The following ANGPT2 variants were observed in gnomAD, a reference collection of about 807,000 sequenced individuals.
ANGPT2 encodes the protein angiopoietin 2, also known as angiopoietin-2.
A neutral mutation model predicts 62.9 loss-of-function variants in ANGPT2; 28 were observed. That is an observed-to-expected ratio of 0.44 (90% CI 0.33 to 0.61). ANGPT2 has a LOEUF of 0.61. Among genes scored for constraint, ANGPT2 ranks in the 20% least tolerant of loss-of-function variants. The pLI, the probability that ANGPT2 is intolerant of heterozygous loss-of-function variation, is 0.03. For synonymous variants in ANGPT2, 284 were observed against 207.8 expected (o/e 1.37, Z -3.15); for missense variants, 727 against 594.9 (o/e 1.22, Z -2.31).
intron 1 of ANGPT2, among the ~76,000 whole-genome samples, chr8:6,541,057 G>A (rs1229129214): frequency 6.6e-5 from 10 of 152,154 alleles, no homozygotes; most frequent in African/African-American, 2.2e-4. Context: ...TGGGTGTCCC[G>A]AGGCAGCTTG....
chr8:6,562,576 G>GTTTTT, intron 1 of ANGPT2, 71 bp downstream of exon 1: 2 of 96,576 alleles, frequency 2.1e-5, no homozygotes, highest in Non-Finnish European at 3.5e-5. Flanking sequence ...TTTTTTGGTT[G>GTTTTT]TTAAAACCTG....
chr8:6,534,230 T>C (rs914008152), intron 1 of ANGPT2, among the ~76,000 whole-genome samples: 2 of 151,760 alleles, frequency 1.3e-5, no homozygotes, highest in African/African-American at 4.8e-5. Context: ...AATACAACAA[T>C]AAAAAACAAA....
chr8:6,540,334 C>G (rs1163287070), intron 1 of ANGPT2, among the ~76,000 whole-genome samples: 1 of 152,136 alleles, frequency 6.6e-6, no homozygotes, highest in Non-Finnish European at 1.5e-5. Context: ...GATAAAGTGG[C>G]TATTTCTCAT....
At chr8:6,559,071 G>C (rs189832480) in intron 1 of ANGPT2, among the ~76,000 whole-genome samples, 1 of 152,088 alleles carries the variant, frequency 6.6e-6, no homozygotes, top group Admixed American at 6.5e-5. Context: ...TGTAGCCAGC[G>C]GATACAGTAA....
rs752892660 is a variant in ANGPT2, at chr8:6,503,258, C to T, written c.1331G>A (p.Trp444Ter). 1 of 1,614,094 alleles carries T rather than the reference C, an allele frequency of 6.2e-7. No individual in the cohort carries two copies. Among genetic ancestry groups the T allele is most frequent in the South Asian group, 1.1e-5 (1 of 91,066 alleles). The change falls in exon 9 of 9, where the codon TGG becomes TAG. Residue 444 changes from tryptophan to a stop codon, truncating the protein, a stop_gained. Coordinates refer to ENST00000629816, the MANE Select transcript of ANGPT2 (RefSeq NM_001118887.2). LOFTEE classifies it high-confidence loss of function. The stretch of plus-strand genomic sequence containing the variant: ...GGAAGGACCACATGCATCAAACCAC[C>T]AGCCTGTGAAAGTAAAACACAGAAG... Reference protein sequence around the residue: ...CKCSQMLTGGWWFDACGPSNL... With the variant: ...CKCSQMLTGG
chr8:6,518,160 G>A (rs1191731799), intron 5 of ANGPT2, among the ~76,000 whole-genome samples: 1 of 152,154 alleles, frequency 6.6e-6, no homozygotes, highest in Non-Finnish European at 1.5e-5. Context: ...ATGTGATGGG[G>A]CTGCATGGTT....
chr8:6,505,309 A>AT (rs1377053213), intron 8 of ANGPT2, among the ~76,000 whole-genome samples: 5,355 of 53,410 alleles, frequency 0.1, 592 homozygotes, highest in African/African-American at 0.16. Context: ...ATATGTATAT[A>AT]ACATATATAT....
intron 7 of ANGPT2, among the ~76,000 whole-genome samples, chr8:6,512,372 A>G (rs1020064348): frequency 3.3e-5 from 5 of 152,184 alleles, no homozygotes; most frequent in Admixed American, 6.5e-5. Context: ...CAGGTCGTGG[A>G]GCGGAGTGTC....
intron 1 of ANGPT2, among the ~76,000 whole-genome samples, chr8:6,553,725 G>A (rs777601656): frequency 5.3e-5 from 8 of 150,724 alleles, no homozygotes; most frequent in Non-Finnish European, 8.8e-5. Context: ...TGGGGCCTAC[G>A]AGGCCCCTCA....
At chr8:6,552,002 T>C (rs529593672) in intron 1 of ANGPT2, among the ~76,000 whole-genome samples, 47 of 152,336 alleles carry the variant, frequency 3.1e-4, no homozygotes, top group Admixed American at 2.2e-3. Flanking sequence ...AATTACCCGG[T>C]AGATGACCAA....
intron 3 of ANGPT2, 57 bp downstream of exon 3, chr8:6,527,498 T>C (rs967498313): frequency 1.5e-4 from 232 of 1,582,304 alleles, no homozygotes; most frequent in Non-Finnish European, 1.9e-4. Flanking sequence ...TGAGACCGAC[T>C]TTCATATCTG....
In ANGPT2 at chr8:6,562,733, C is replaced by G. The variant is rs1250655525; in HGVS notation, c.202G>C (p.Asp68His). The change falls in exon 1 of 9, where the codon GAC becomes CAC. Residue 68 changes from aspartate (D) to histidine (H), a missense_variant. Asp to His is a moderately conservative substitution (Grantham distance 81). Coordinates refer to ENST00000629816, the MANE Select transcript of ANGPT2 (RefSeq NM_001118887.2). ...SPYVSNAVQRDAPLEYDDSVQ... is the reference protein window; with the variant it reads ...SPYVSNAVQRHAPLEYDDSVQ... ...GAGTCATCGTATTCGAGCGGCGCGT[C>G]CCTCTGCACAGCATTGGACACGTAG... 6.2e-7 allele frequency: 1 copy of G among 1,613,710 alleles called. No individual in the cohort carries two copies. The highest frequency in any genetic ancestry group is 8.5e-7 in the Non-Finnish European group (1 of 1,179,962).
intron 3 of ANGPT2, among the ~76,000 whole-genome samples, chr8:6,522,781 AAAAAG>A (rs766827911): frequency 4.1e-4 from 63 of 152,056 alleles, no homozygotes; most frequent in East Asian, 1.4e-3. Context: ...CTCAAAAAAA[AAAAAG>A]AAAAGAAAAG....
chr8:6,507,826 G>A (rs2515411), intron 8 of ANGPT2: 26,623 of 139,738 alleles, frequency 0.19, 2,937 homozygotes, highest in African/African-American at 0.32. Flanking sequence ...CAGGTGATCC[G>A]CCCTCCTTGG....
rs115634554 is a variant in ANGPT2, at chr8:6,530,237, G to A, written c.444+2095C>T. Among the ~76,000 whole-genome samples, 625 of 152,164 alleles carry A rather than the reference G, an allele frequency of 4.1e-3. 5 individuals carry two copies. Among genetic ancestry groups the A allele is most frequent in the African/African-American group, 0.014 (576 of 41,512 alleles). ...TTGAAAGTAATGGTGGCCAGGTACG[G>A]TGGCTCACGCCTGTGATCCCAGCAG... On this transcript the variant is annotated intron_variant, in intron 2 of 8. Transcript: ENST00000629816.
rs1437172747 is a variant in ANGPT2, at chr8:6,502,819, C to T, written c.*282G>A. ...ACATTCTTGGTTGTGACAGCAGCGTCTGTAAACTGTCAGTCTGATTCTCAG... is the reference window on the plus strand; with the variant it reads ...ACATTCTTGGTTGTGACAGCAGCGTTTGTAAACTGTCAGTCTGATTCTCAG... On this transcript the variant is annotated 3_prime_UTR_variant, in exon 9 of 9. Transcript: ENST00000629816. The T allele has an allele frequency of 2.3e-6, 1 of 428,696 alleles. No individual in the cohort carries two copies. Among genetic ancestry groups the T allele is most frequent in the African/African-American group, 2.0e-5 (1 of 50,418 alleles). 26.6% of individuals were successfully genotyped at this position (428,696 alleles called of 1,614,324 possible). A position where few individuals can be genotyped will look rare whatever the true frequency, so the allele number is the denominator to read the frequency against.
intron 1 of ANGPT2, among the ~76,000 whole-genome samples, chr8:6,545,857 T>G (rs1822489970): frequency 6.6e-6 from 1 of 152,240 alleles, no homozygotes; most frequent in African/African-American, 2.4e-5. Flanking sequence ...ATCGATTGAA[T>G]TTAGTTCTGC....
In ANGPT2 at chr8:6,519,884, T is replaced by G. The variant is rs1334671934; in HGVS notation, c.907A>C (p.Asn303His). ...TNGIYTLTFP[N>H]STEEIKAYCD... is the part of the protein sequence containing the mutation. ...CTCACCTTGATCTCTTCTGTAGAAT[T>G]AGGGAATGTTAACGTGTAGATGCCA... is the stretch of plus-strand genomic sequence containing the variant. The change falls in exon 5 of 9, where the codon AAT becomes CAT. Residue 303 changes from asparagine (N) to histidine (H), a missense_variant. By Grantham distance (68) the Asn-to-His change is moderately conservative. Coordinates refer to ENST00000629816, the MANE Select transcript of ANGPT2 (RefSeq NM_001118887.2). The G allele has an allele frequency of 6.2e-7, 1 of 1,613,958 alleles. No homozygotes were observed. The highest frequency in any genetic ancestry group is 8.5e-7 in the Non-Finnish European group (1 of 1,179,954).
rs1158824143 is a variant in ANGPT2, at chr8:6,522,996, G to GT, written c.567-1587dup. 9.9e-3 allele frequency among the ~76,000 whole-genome samples: 1,449 copies of GT among 146,986 alleles called. 25 individuals are homozygous for GT. Among genetic ancestry groups the GT allele is most frequent in the African/African-American group, 0.032 (1,293 of 40,272 alleles). On this transcript the variant is annotated intron_variant, in intron 3 of 8. Transcript: ENST00000629816. ...AATATGTGAGCCAAGCCCTTGAAAA[G>GT]TTTTTTTTTTTCTTTTTTTGAGATG...
Sources: gnomAD v4.1 joint callset for allele counts (sites outside exome capture counted in the v4.1 genomes callset) on GRCh38, gnomAD v4.1.1 for gene constraint, MANE v1.5 for transcripts, NCBI Gene and HGNC (gene_info 2026-07-23, HGNC 2026-07-21) for gene names.